PTPRD: variants seen among roughly 807,000 people sequenced by gnomAD.
The protein encoded by PTPRD is receptor-type tyrosine-protein phosphatase delta.
A neutral mutation model predicts 214.5 loss-of-function variants in PTPRD; 34 were observed. The ratio of observed to expected loss-of-function variants is 0.16; its 90% confidence interval spans 0.12 to 0.21. The LOEUF (loss-of-function observed/expected upper bound fraction) is 0.21. Among genes scored for constraint, PTPRD ranks in the 10% least tolerant of loss-of-function variants. PTPRD has a pLI of 1.00. For synonymous variants in PTPRD, 1,128 were observed against 845.7 expected (o/e 1.33, Z -5.79); for missense variants, 2,545 against 2,398.7 (o/e 1.06, Z -1.27).
intron 9 of PTPRD, among the ~76,000 whole-genome samples, chr9:9,204,855 C>T (rs1025726787): frequency 6.6e-6 from 1 of 152,018 alleles, no homozygotes; most frequent in African/African-American, 2.4e-5. Flanking sequence ...AAATTATTAT[C>T]ATTATTATCA....
At chr9:10,482,740 T>C (rs900125023) in intron 2 of PTPRD, among the ~76,000 whole-genome samples, 1 of 152,090 alleles carries the variant, frequency 6.6e-6, no homozygotes, top group East Asian at 1.9e-4. Flanking sequence ...AAAATACCTA[T>C]GAATATACTT....
chr9:8,917,897 G>A (rs1187830157), intron 11 of PTPRD, among the ~76,000 whole-genome samples: 4 of 152,162 alleles, frequency 2.6e-5, no homozygotes, highest in Non-Finnish European at 5.9e-5. Context: ...TTTCATGTGT[G>A]TGCATGTGCA....
intron 14 of PTPRD, among the ~76,000 whole-genome samples, chr9:8,571,818 C>T (rs1259407164): frequency 1.3e-5 from 2 of 152,002 alleles, no homozygotes; most frequent in Admixed American, 6.6e-5. Flanking sequence ...GCGGAAATTG[C>T]CCATTATCTC....
At chr9:9,205,615 C>T (rs975518063) in intron 9 of PTPRD, among the ~76,000 whole-genome samples, 11 of 152,154 alleles carry the variant, frequency 7.2e-5, no homozygotes, top group Non-Finnish European at 1.5e-4. Flanking sequence ...TTTCTTAGCA[C>T]TAAGCATACA....
intron 11 of PTPRD, among the ~76,000 whole-genome samples, chr9:8,876,640 T>G (rs1474628017): frequency 6.6e-6 from 1 of 152,218 alleles, no homozygotes; most frequent in African/African-American, 2.4e-5. Flanking sequence ...TAAGTTAATA[T>G]ACTCTGATCA....
chr9:8,436,740 G>A (rs376129231), intron 34 of PTPRD, 51 bp from the exon 35 acceptor site: 12 of 1,401,116 alleles, frequency 8.6e-6, no homozygotes, highest in Admixed American at 1.7e-5. Context: ...TGAAAATGAT[G>A]CTAACTATTC....
intron 2 of PTPRD, among the ~76,000 whole-genome samples, chr9:10,559,379 T>A (rs1040533853): frequency 2.0e-5 from 3 of 152,142 alleles, no homozygotes; most frequent in Non-Finnish European, 4.4e-5. Flanking sequence ...AAAATTTCAG[T>A]TCTTCCATCA....
chr9:9,041,613 G>A (rs1470807236), intron 10 of PTPRD, among the ~76,000 whole-genome samples: 1 of 152,088 alleles, frequency 6.6e-6, no homozygotes, highest in East Asian at 1.9e-4. Context: ...TCTTTAATAA[G>A]GAAACAGAAC....
chr9:9,996,806 A>C (rs1424551884), intron 4 of PTPRD, among the ~76,000 whole-genome samples: 1 of 152,200 alleles, frequency 6.6e-6, no homozygotes, highest in East Asian at 1.9e-4. Context: ...AAGGTTACTA[A>C]AGAAAATAAT....
intron 4 of PTPRD, among the ~76,000 whole-genome samples, chr9:9,994,651 G>A (rs891724495): frequency 1.3e-5 from 2 of 152,014 alleles, no homozygotes; most frequent in Non-Finnish European, 2.9e-5. Context: ...GAGAAAGTGG[G>A]GATATATATG....
chr9:9,048,708 A>AT (rs758765163), intron 10 of PTPRD, among the ~76,000 whole-genome samples: 10 of 152,108 alleles, frequency 6.6e-5, no homozygotes, highest in African/African-American at 2.2e-4. Flanking sequence ...GGGATGGTCT[A>AT]TTTTAAACAG....
chr9:10,183,325 C>T (rs2099311660), intron 3 of PTPRD, among the ~76,000 whole-genome samples: 1 of 151,990 alleles, frequency 6.6e-6, no homozygotes, highest in Admixed American at 6.6e-5. Flanking sequence ...AGTTGTATTG[C>T]ATGGATGGAT....
At chr9:8,324,174 A>G (rs1037786090) in intron 44 of PTPRD, among the ~76,000 whole-genome samples, 9 of 151,820 alleles carry the variant, frequency 5.9e-5, no homozygotes, top group African/African-American at 2.2e-4. Flanking sequence ...ATAGGTATAA[A>G]TGCACCAGGG....
At chr9:9,459,564 C>T (rs898422975) in intron 8 of PTPRD, among the ~76,000 whole-genome samples, 2 of 151,984 alleles carry the variant, frequency 1.3e-5, no homozygotes, top group East Asian at 3.9e-4. Context: ...CCACCATTTT[C>T]GAGCTGAGAA....
intron 36 of PTPRD, among the ~76,000 whole-genome samples, chr9:8,403,069 C>CA (rs1394017229): frequency 6.6e-6 from 1 of 151,886 alleles, no homozygotes; most frequent in Non-Finnish European, 1.5e-5. Flanking sequence ...TTTTTCTTCC[C>CA]AAAAAAACTG....
At chr9:8,863,940 T>G (rs2154546260) in intron 11 of PTPRD, among the ~76,000 whole-genome samples, 1 of 152,328 alleles carries the variant, frequency 6.6e-6, no homozygotes, top group East Asian at 1.9e-4. Context: ...AAGAAAATTC[T>G]GAAATGAAGG....
chr9:8,932,956 G>C (rs542978811), intron 11 of PTPRD, among the ~76,000 whole-genome samples: 74 of 152,234 alleles, frequency 4.9e-4, no homozygotes, highest in South Asian at 1.4e-3. Flanking sequence ...CTGCCTAAAT[G>C]GCTGCCCAGT....
At chr9:8,993,431 C>T (rs1029100695) in intron 11 of PTPRD, among the ~76,000 whole-genome samples, 8 of 152,046 alleles carry the variant, frequency 5.3e-5, no homozygotes, top group Non-Finnish European at 7.4e-5. Flanking sequence ...TTGTGCTCTC[C>T]CTACTTTGTG....
At chr9:8,914,919 A>G (rs890607118) in intron 11 of PTPRD, among the ~76,000 whole-genome samples, 3 of 152,144 alleles carry the variant, frequency 2.0e-5, no homozygotes, top group Admixed American at 6.6e-5. Context: ...GACTACTTCT[A>G]CCATCCTGTC....
Sources: gnomAD v4.1 joint callset for allele counts (sites outside exome capture counted in the v4.1 genomes callset) on GRCh38, gnomAD v4.1.1 for gene constraint, MANE v1.5 for transcripts, NCBI Gene and HGNC (gene_info 2026-07-23, HGNC 2026-07-21) for gene names.